The following TXLNG variants were observed in gnomAD, a reference collection of about 807,000 sequenced individuals.
TXLNG encodes the protein taxilin gamma, also known as gamma-taxilin.
In TXLNG, 5 loss-of-function variants were observed where a neutral mutation model predicts 38.8. That is an observed-to-expected ratio of 0.13 (90% CI 0.07 to 0.27). The LOEUF is 0.27. TXLNG is among the 10% of genes least tolerant of loss of function. TXLNG has a pLI of 1.00. For synonymous variants in TXLNG, 182 were observed against 158.2 expected (o/e 1.15, Z -1.13); for missense variants, 393 against 398.2 (o/e 0.99, Z 0.11).
intron 1 of TXLNG, among the ~76,000 whole-genome samples, chrX:16,805,859 C>T (rs1391981824): frequency 4.5e-5 from 5 of 112,354 alleles, no homozygotes; most frequent in African/African-American, 1.6e-4. Context: ...TATAATAGTG[C>T]ACAGTAATAT....
intron 1 of TXLNG, among the ~76,000 whole-genome samples, chrX:16,797,857 A>G (rs1927945957): frequency 8.9e-6 from 1 of 112,693 alleles, no homozygotes; most frequent in African/African-American, 3.2e-5. Context: ...AAAAAATTAA[A>G]AATAGCTGAT....
Position 16,841,624 on chromosome X carries a change from C to G in TXLNG, c.1445C>G (p.Ala482Gly). ...ACACCTGTGATGCAGCCCTGTACTG[C>G]CCTGGATTCTCACAAGGAGCTGAAC... is the stretch of plus-strand genomic sequence containing the variant. Reference protein sequence around the residue: ...LATPVMQPCTALDSHKELNTS... With the variant: ...LATPVMQPCTGLDSHKELNTS... Residue 482 changes from alanine to glycine, a missense_variant, in exon 10 of 10, where the codon GCC becomes GGC. Coordinates refer to ENST00000380122, the MANE Select transcript of TXLNG (RefSeq NM_018360.3). 8.3e-7 allele frequency: 1 copy of G among 1,211,512 alleles called. No homozygotes were observed. Among genetic ancestry groups the G allele is most frequent in the South Asian group, 1.8e-5 (1 of 56,987 alleles).
At chrX:16,838,514 G>A (rs1332934510) in intron 8 of TXLNG, among the ~76,000 whole-genome samples, 1 of 112,176 alleles carries the variant, frequency 8.9e-6, no homozygotes, top group East Asian at 2.8e-4. Context: ...TTCCTTCACT[G>A]TTAAAATTGG....
chrX:16,836,542 A>G (rs368168142), intron 7 of TXLNG, among the ~76,000 whole-genome samples: 4 of 112,066 alleles, frequency 3.6e-5, no homozygotes, highest in African/African-American at 1.3e-4. Flanking sequence ...ACTAACTTTC[A>G]GTTGGCTTCT....
intron 1 of TXLNG, among the ~76,000 whole-genome samples, chrX:16,815,577 A>G (rs773106210): frequency 9.0e-6 from 1 of 110,567 alleles, no homozygotes; most frequent in East Asian, 2.8e-4. Flanking sequence ...GCTGGAGTAC[A>G]GTGGTGCGAT....
chrX:16,835,160 C>CT (rs749206521), intron 7 of TXLNG, among the ~76,000 whole-genome samples: 2 of 110,293 alleles, frequency 1.8e-5, no homozygotes, highest in African/African-American at 6.6e-5. Flanking sequence ...TACATTCATC[C>CT]TTTTTTTCAG....
At chrX:16,835,020 C>T (rs1287456291) in intron 7 of TXLNG, among the ~76,000 whole-genome samples, 3 of 105,200 alleles carry the variant, frequency 2.9e-5, no homozygotes, top group Admixed American at 1.0e-4. Context: ...GTGTGTCCTG[C>T]TGTGATCTCT....
intron 1 of TXLNG, among the ~76,000 whole-genome samples, chrX:16,795,938 G>A (rs368049073): frequency 2.2e-4 from 24 of 107,576 alleles, no homozygotes; most frequent in African/African-American, 7.8e-4. Flanking sequence ...TCAGTCTCCC[G>A]AGTAGCTGGG....
intron 1 of TXLNG, among the ~76,000 whole-genome samples, chrX:16,795,255 C>T (rs898147251): frequency 1.8e-5 from 2 of 109,766 alleles, no homozygotes; most frequent in Non-Finnish European, 3.8e-5. Context: ...CCAGCCTGGG[C>T]GACAGAGCGA....
At chrX:16,821,609 C>T (rs966117279) in intron 3 of TXLNG, among the ~76,000 whole-genome samples, 3 of 112,623 alleles carry the variant, frequency 2.7e-5, no homozygotes, top group Non-Finnish European at 5.6e-5. Context: ...TTATCATGTA[C>T]AATTTATATG....
In TXLNG at chrX:16,843,144, C is replaced by T. The variant is rs1229140061; in HGVS notation, c.*1378C>T. 3.6e-5 allele frequency: 4 copies of T among 112,638 alleles called. No homozygotes were observed. The highest frequency in any genetic ancestry group is 7.5e-5 in the Non-Finnish European group (4 of 53,354). 9.3% of individuals were successfully genotyped at this position (112,638 alleles called of 1,213,427 possible). A position where few individuals can be genotyped will look rare whatever the true frequency, so the allele number is the denominator to read the frequency against. On this transcript the variant is annotated 3_prime_UTR_variant, in exon 10 of 10. Coordinates refer to ENST00000380122, the MANE Select transcript of TXLNG (RefSeq NM_018360.3). The stretch of plus-strand genomic sequence containing the variant: ...GGTTCTACTAGAACTGATGTTAGCA[C>T]ATTCCACTGAGCAAAACTATCAGAC...
chrX:16,816,855 T>C (rs1928762237), intron 1 of TXLNG, among the ~76,000 whole-genome samples: 1 of 112,047 alleles, frequency 8.9e-6, no homozygotes, highest in Non-Finnish European at 1.9e-5. Context: ...ATACATAAAT[T>C]GAGAAAAGTA....
In TXLNG at chrX:16,786,572, C is replaced by G. The variant is rs1927490458; in HGVS notation, c.85C>G (p.Arg29Gly). 1.9e-6 allele frequency: 2 copies of G among 1,070,034 alleles called. No individual in the cohort carries two copies. The highest frequency in any genetic ancestry group is 2.4e-6 in the Non-Finnish European group (2 of 832,169). The allele number at this position is 1,070,034 out of a possible 1,213,427, so 88.2% of individuals were successfully genotyped here. Reference sequence around the variant, plus strand: ...TGAGGCCGGACGGGGCGGACGGCGACGCAGCCCGCGGCAGAAGGTCAGTCA... The same window carrying G: ...TGAGGCCGGACGGGGCGGACGGCGAGGCAGCCCGCGGCAGAAGGTCAGTCA... ...ATEAGRGGRRRSPRQKFEIGT... is the reference protein window; with the variant it reads ...ATEAGRGGRRGSPRQKFEIGT... The change falls in exon 1 of 10, where the codon CGC becomes GGC. Residue 29 changes from arginine to glycine, a missense_variant. By Grantham distance (125) the Arg-to-Gly change is moderately radical. Transcript: ENST00000380122.
intron 5 of TXLNG, among the ~76,000 whole-genome samples, chrX:16,831,429 C>A (rs1169452991): frequency 8.9e-6 from 1 of 112,434 alleles, no homozygotes; most frequent in African/African-American, 3.2e-5. Context: ...AGTATCTAGT[C>A]ACTATTCAAA....
intron 1 of TXLNG, among the ~76,000 whole-genome samples, chrX:16,791,915 T>G (rs1394893339): frequency 1.8e-5 from 2 of 112,349 alleles, no homozygotes; most frequent in Admixed American, 1.9e-4. Context: ...TTTTGTGTGT[T>G]ATTTATATTG....
chrX:16,799,351 T>G (rs1399757942), intron 1 of TXLNG, among the ~76,000 whole-genome samples: 1 of 112,013 alleles, frequency 8.9e-6, no homozygotes, highest in Non-Finnish European at 1.9e-5. Context: ...GCTTAATAAA[T>G]GTAGGTCTGA....
chrX:16,831,905 G>A (rs1929425625), intron 5 of TXLNG, among the ~76,000 whole-genome samples: 2 of 112,084 alleles, frequency 1.8e-5, no homozygotes, highest in African/African-American at 3.2e-5. Flanking sequence ...GAAGAGTTCC[G>A]TTTCTCCAGC....
chrX:16,790,798 G>A (rs1927674685), intron 1 of TXLNG, among the ~76,000 whole-genome samples: 1 of 111,779 alleles, frequency 8.9e-6, no homozygotes, highest in Non-Finnish European at 1.9e-5. Context: ...GCCCTCATTT[G>A]CTGATGACAA....
At chrX:16,801,785 T>G (rs1928102054) in intron 1 of TXLNG, among the ~76,000 whole-genome samples, 1 of 110,609 alleles carries the variant, frequency 9.0e-6, no homozygotes, top group African/African-American at 3.3e-5. Context: ...GTCTTGCATG[T>G]ATTTTATTCT....
Sources: allele counts gnomAD v4.1 joint callset (sites outside exome capture counted in the v4.1 genomes callset), GRCh38; gene constraint gnomAD v4.1.1; transcripts MANE v1.5; gene names NCBI Gene and HGNC (gene_info 2026-07-23, HGNC 2026-07-21).